Variants in PCDHGB7 observed in about 807,000 individuals in gnomAD.
PCDHGB7 encodes protocadherin gamma-B7.
PCDHGB7 carries 37 observed loss-of-function variants against 61.4 expected under a neutral mutation model. The observed-to-expected ratio is 0.60, with a 90% confidence interval of 0.46 to 0.79. The LOEUF is 0.79. Among genes scored for constraint, PCDHGB7 ranks in the 30% least tolerant of loss-of-function variants. PCDHGB7 has a pLI of 0.00. For missense variants in PCDHGB7, 1,166 were observed against 1,202.5 expected (o/e 0.97, Z 0.45); for synonymous variants, 464 against 503.5 (o/e 0.92, Z 1.05).
rs1410460145 is a variant in PCDHGB7 at position 141,490,798 on chromosome 5, C to T, written c.2416-4009C>T. On this transcript the variant is annotated intron_variant, in intron 1 of 3. Coordinates refer to ENST00000398594, the MANE Select transcript of PCDHGB7 (RefSeq NM_018927.4). The surrounding 1 kb of genome is among the most constrained non-coding windows in gnomAD (Gnocchi z 5.4). The stretch of plus-strand genomic sequence containing the variant: ...AGAGGATGGACGGATCTTTGCCCAG[C>T]GTACCTTTGACTATGAATTGCTGCA... 9.3e-6 allele frequency: 15 copies of T among 1,613,808 alleles called. No individual in the cohort carries two copies. Among genetic ancestry groups the T allele is most frequent in the Admixed American group, 6.7e-5 (4 of 60,002 alleles).
In PCDHGB7 at chr5:141,490,770, C is replaced by T. The variant is rs774014462; in HGVS notation, c.2416-4037C>T. 1.2e-6 allele frequency: 2 copies of T among 1,614,120 alleles called. No individual in the cohort carries two copies. Among genetic ancestry groups the T allele is most frequent in the Non-Finnish European group, 8.5e-7 (1 of 1,179,968 alleles). ...CAGCCTCCTCCTTTGTGTATGTCAA[C>T]CCAGAGGATGGACGGATCTTTGCCC... On this transcript the variant is annotated intron_variant, in intron 1 of 3. Transcript: ENST00000398594. The surrounding 1 kb of genome is among the most constrained non-coding windows in gnomAD (Gnocchi z 5.4).
intron 1 of PCDHGB7, among the ~76,000 whole-genome samples, chr5:141,449,543 C>T (rs377524476): frequency 2.7e-5 from 4 of 147,148 alleles, no homozygotes; most frequent in Non-Finnish European, 4.5e-5. Context: ...GAGCCGAGAT[C>T]GCACCACTGC....
At chr5:141,421,941 T>C (rs186605459) in intron 1 of PCDHGB7, 2 of 1,613,456 alleles carry the variant, frequency 1.2e-6, no homozygotes, top group East Asian at 4.5e-5. Context: ...ATGTAAATGA[T>C]CACATCCCAA....
intron 1 of PCDHGB7, among the ~76,000 whole-genome samples, chr5:141,483,613 C>A (rs2099583607): frequency 6.6e-6 from 1 of 151,914 alleles, no homozygotes; most frequent in South Asian, 2.1e-4. Context: ...ACACCTCCAT[C>A]ATTCCCATGG....
At chr5:141,478,759 A>G in intron 1 of PCDHGB7, 2 of 1,514,800 alleles carry the variant, frequency 1.3e-6, no homozygotes, top group African/African-American at 1.4e-5. Flanking sequence ...GGGGGAAGAT[A>G]CTTGACTCAT....
At chr5:141,481,220 C>T (rs896803040) in intron 1 of PCDHGB7, among the ~76,000 whole-genome samples, 1 of 152,130 alleles carries the variant, frequency 6.6e-6, no homozygotes, top group African/African-American at 2.4e-5. Context: ...GGTAAGGTCT[C>T]CCAGCCTTAA....
chr5:141,480,414 CAA>C (rs10712552), intron 1 of PCDHGB7, among the ~76,000 whole-genome samples: 346 of 147,498 alleles, frequency 2.3e-3, no homozygotes, highest in African/African-American at 8.3e-3. Flanking sequence ...GACCCTGTCT[CAA>C]AAAAAAAAAT....
intron 1 of PCDHGB7, among the ~76,000 whole-genome samples, chr5:141,472,711 C>T (rs1014451209): frequency 4.6e-5 from 7 of 151,904 alleles, no homozygotes; most frequent in Admixed American, 2.0e-4. Context: ...ACAGGCCAGG[C>T]GCTGTGGCTC....
intron 1 of PCDHGB7, chr5:141,478,541 G>T (rs905837179): frequency 1.2e-6 from 2 of 1,605,590 alleles, no homozygotes; most frequent in Non-Finnish European, 1.7e-6. Flanking sequence ...CGCCCCTCCC[G>T]GACAGGTAAG....
At position 141,455,354 on chromosome 5, in the gene PCDHGB7, T is replaced by C. The variant is rs185319743; in HGVS notation, c.2415+35080T>C. ...TGGTTTTAAGGAGCGGAGAGTTTAA[T>C]AGGCAAGAAGGAAGGGAGAAGACAG... On this transcript the variant is annotated intron_variant, in intron 1 of 3. Coordinates refer to ENST00000398594, the MANE Select transcript of PCDHGB7 (RefSeq NM_018927.4). Among the ~76,000 whole-genome samples the C allele has an allele frequency of 1.7e-3, 263 of 152,180 alleles. 2 individuals are homozygous for C. The highest frequency in any genetic ancestry group is 3.0e-3 in the Non-Finnish European group (207 of 68,010).
At chr5:141,430,575 A>G in intron 1 of PCDHGB7, 2 of 455,822 alleles carry the variant, frequency 4.4e-6, no homozygotes, top group East Asian at 3.5e-5. Flanking sequence ...AAAAGCGGAG[A>G]TCCTGCTCGC....
rs1193095881 is a variant in PCDHGB7 at position 141,490,273 on chromosome 5, G to T, written c.2416-4534G>T. On this transcript the variant is annotated intron_variant, in intron 1 of 3. Coordinates refer to ENST00000398594, the MANE Select transcript of PCDHGB7 (RefSeq NM_018927.4). This position sits in a 1 kb window ranked among gnomAD's most constrained non-coding sequence, Gnocchi z 5.4. ...TCAAGTGGATGTGGGGGATGTCAAT[G>T]ACAATGCCCCAGAGGTGCTATTGGC... 6.2e-7 allele frequency: 1 copy of T among 1,614,108 alleles called. No homozygotes were observed. The highest frequency in any genetic ancestry group is 8.5e-7 in the Non-Finnish European group (1 of 1,180,052).
chr5:141,496,511 C>T (rs1161285563), intron 2 of PCDHGB7, among the ~76,000 whole-genome samples: 1 of 152,182 alleles, frequency 6.6e-6, no homozygotes, highest in Non-Finnish European at 1.5e-5. Flanking sequence ...CACAAGGACC[C>T]AGGAGCCCTT....
At chr5:141,502,093 G>C (rs1037154464) in intron 2 of PCDHGB7, among the ~76,000 whole-genome samples, 27 of 152,112 alleles carry the variant, frequency 1.8e-4, no homozygotes, top group Admixed American at 1.7e-3. Flanking sequence ...AGAACACCTG[G>C]CCTTGACCCT....
intron 2 of PCDHGB7, among the ~76,000 whole-genome samples, chr5:141,502,783 G>A (rs2099816035): frequency 6.6e-6 from 1 of 151,652 alleles, no homozygotes; most frequent in African/African-American, 2.4e-5. Context: ...AAAATTACCT[G>A]GATGATTTCT....
intron 1 of PCDHGB7, among the ~76,000 whole-genome samples, chr5:141,447,233 G>A (rs565398752): frequency 2.6e-5 from 4 of 152,028 alleles, no homozygotes; most frequent in Non-Finnish European, 4.4e-5. Flanking sequence ...TCCGCCTCCC[G>A]GGTTCAAGTG....
rs1158395811 is a variant in PCDHGB7, at chr5:141,476,020, T to TCGGCGCC, written c.2416-18785_2416-18779dup. The stretch of plus-strand genomic sequence containing the variant: ...CGGCATCCAGAAAGCCATGTCGGAC[T>TCGGCGCC]CGGCGCCCAGCGCCCAAGCGCTAAC... On this transcript the variant is annotated intron_variant, in intron 1 of 3. Transcript: ENST00000398594. The surrounding 1 kb of genome is among the most constrained non-coding windows in gnomAD (Gnocchi z 7.6). 2.1e-6 allele frequency: 3 copies of TCGGCGCC among 1,398,716 alleles called. No homozygotes were observed. The African/African-American group carries it at 4.3e-5, about 20-fold the overall frequency. The allele number at this position is 1,398,716 out of a possible 1,614,324, so 86.6% of individuals were successfully genotyped here. A position where few individuals can be genotyped will look rare whatever the true frequency, so the allele number is the denominator to read the frequency against.
intron 1 of PCDHGB7, chr5:141,426,967 T>G (rs151241654): frequency 2.2e-6 from 1 of 456,702 alleles, no homozygotes; most frequent in East Asian, 6.9e-5. Context: ...GCAATTCAAA[T>G]TGAGGTCACT....
In PCDHGB7 at chr5:141,491,737, G is replaced by A; in HGVS notation, c.2416-3070G>A. The A allele has an allele frequency of 6.2e-7, 1 of 1,600,586 alleles. No homozygotes were observed. Among genetic ancestry groups the A allele is most frequent in the Non-Finnish European group, 8.5e-7 (1 of 1,174,266 alleles). On this transcript the variant is annotated intron_variant, in intron 1 of 3. Coordinates refer to ENST00000398594, the MANE Select transcript of PCDHGB7 (RefSeq NM_018927.4). This position sits in a 1 kb window ranked among gnomAD's most constrained non-coding sequence, Gnocchi z 6.9. ...GGCGCCGCCCCGGGCGACCCCTGGG[G>A]GCGGCACTGGAGAAGCCGCCCGTCC...
Sources: gnomAD v4.1 joint callset for allele counts (sites outside exome capture counted in the v4.1 genomes callset) on GRCh38, gnomAD v4.1.1 for gene constraint, Gnocchi (gnomAD v3.1) non-coding constraint, MANE v1.5 for transcripts, NCBI Gene and HGNC (gene_info 2026-07-23, HGNC 2026-07-21) for gene names.